The following GPR89B variants were observed in gnomAD, a reference collection of about 807,000 sequenced individuals.
GPR89B encodes the protein G protein-coupled receptor 89B.
GPR89B carries 25 observed loss-of-function variants against 52.4 expected under a neutral mutation model. The ratio of observed to expected loss-of-function variants is 0.48; its 90% CI spans 0.35 to 0.67. The LOEUF is 0.67. Ranked by LOEUF, GPR89B falls within the 30% of genes least tolerant of loss-of-function variation. The pLI, the probability that GPR89B is intolerant of heterozygous loss-of-function variation, is 0.01. For synonymous variants in GPR89B, 52 were observed against 151.2 expected (o/e 0.34, Z 4.81); for missense variants, 146 against 450.2 (o/e 0.32, Z 6.11).
intron 1 of GPR89B, among the ~76,000 whole-genome samples, chr1:147,934,314 C>G (rs1465792936): frequency 2.0e-5 from 3 of 152,276 alleles, no homozygotes; most frequent in Admixed American, 1.3e-4. Context: ...TAAGCTGGAA[C>G]TACAGGCATG....
intron 5 of GPR89B, among the ~76,000 whole-genome samples, chr1:147,951,880 T>A (rs1321009799): frequency 6.6e-6 from 1 of 151,762 alleles, no homozygotes; most frequent in African/African-American, 2.4e-5. Context: ...GCTACTTTGT[T>A]CTAAGGGAGA....
downstream of GPR89B, among the ~76,000 whole-genome samples, chr1:147,997,771 G>C (rs1659351054): frequency 1.3e-5 from 2 of 152,120 alleles, no homozygotes; most frequent in African/African-American, 2.4e-5. Flanking sequence ...TACTAGAAGA[G>C]ACCAACCCAT....
intron 2 of GPR89B, 60 bp downstream of exon 2, chr1:147,936,746 GTC>G (rs1654126526): frequency 7.1e-7 from 1 of 1,417,082 alleles, no homozygotes; most frequent in Middle Eastern, 1.8e-4. Flanking sequence ...CAAGAAAAAT[GTC>G]TCCATTAAAG....
intron 1 of GPR89B, among the ~76,000 whole-genome samples, chr1:147,933,129 C>T (rs1463957754): frequency 1.3e-5 from 2 of 151,280 alleles, no homozygotes; most frequent in African/African-American, 4.9e-5. Flanking sequence ...TTCCACCATC[C>T]TTCTCATCTT....
chr1:148,022,994 A>G, the GPR89B span, among the ~76,000 whole-genome samples: 2 of 151,948 alleles, frequency 1.3e-5, no homozygotes, highest in African/African-American at 4.9e-5. Flanking sequence ...TTTGTTGTGT[A>G]CCAAGGGTAC....
rs1486913394 is a variant in GPR89B at position 147,983,019 on chromosome 1, G to A, written c.910-3180G>A. 9.9e-3 allele frequency among the ~76,000 whole-genome samples: 1,511 copies of A among 152,096 alleles called. 23 individuals carry two copies. Among genetic ancestry groups the A allele is most frequent in the African/African-American group, 0.035 (1,443 of 41,458 alleles). On this transcript the variant is annotated intron_variant, in intron 10 of 13. Coordinates refer to ENST00000314163, the MANE Select transcript of GPR89B (RefSeq NM_016334.5). ...ACCGAACAGAGCCCTCAGAAATCACGCCGCATATCTACAACCGTCTGATCT... is the reference window on the plus strand; with the variant it reads ...ACCGAACAGAGCCCTCAGAAATCACACCGCATATCTACAACCGTCTGATCT...
At chr1:147,996,220 A>C (rs1659315273), downstream of GPR89B, among the ~76,000 whole-genome samples, 1 of 151,732 alleles carries the variant, frequency 6.6e-6, no homozygotes, top group South Asian at 2.1e-4. Flanking sequence ...GCATTATGCC[A>C]AATGCACAGA....
chr1:148,013,281 C>T, the GPR89B span, among the ~76,000 whole-genome samples: 386 of 152,180 alleles, frequency 2.5e-3, no homozygotes, highest in Middle Eastern at 0.031. Context: ...GATAGCACGG[C>T]GGAGATAGGG....
intron 10 of GPR89B, among the ~76,000 whole-genome samples, chr1:147,970,567 C>CTA (rs1222638596): frequency 1.3e-3 from 194 of 143,846 alleles, no homozygotes; most frequent in African/African-American, 4.5e-3. Flanking sequence ...CTCTCTCTCT[C>CTA]TCTATATATA....
chr1:147,932,219 A>G (rs1193903747), intron 1 of GPR89B, among the ~76,000 whole-genome samples: 1 of 152,044 alleles, frequency 6.6e-6, no homozygotes, highest in African/African-American at 2.4e-5. Flanking sequence ...CTCCACCGGT[A>G]AATATTTATA....
chr1:147,964,557 A>G (rs1319809335), intron 7 of GPR89B, among the ~76,000 whole-genome samples: 1 of 151,804 alleles, frequency 6.6e-6, no homozygotes, highest in Non-Finnish European at 1.5e-5. Flanking sequence ...TTTCATTCCT[A>G]TTCACGCTTC....
downstream of GPR89B, among the ~76,000 whole-genome samples, chr1:147,995,179 A>G (rs1659285137): frequency 6.6e-6 from 1 of 151,356 alleles, no homozygotes; most frequent in South Asian, 2.1e-4. Context: ...ATCTTAGTTA[A>G]CATGATCCTG....
At chr1:147,981,541 T>C (rs1459186477) in intron 10 of GPR89B, among the ~76,000 whole-genome samples, 6 of 150,128 alleles carry the variant, frequency 4.0e-5, no homozygotes, top group Non-Finnish European at 5.9e-5. Flanking sequence ...TAATATCTAT[T>C]TCATTTTATA....
At chr1:147,999,383 C>T in the GPR89B span, among the ~76,000 whole-genome samples, 33 of 149,556 alleles carry the variant, frequency 2.2e-4, no homozygotes, top group East Asian at 9.9e-4. Flanking sequence ...CCGAGGCGGG[C>T]GGATCACAAG....
chr1:147,989,392 G>A (rs1293712716), intron 12 of GPR89B, among the ~76,000 whole-genome samples: 1 of 150,958 alleles, frequency 6.6e-6, no homozygotes, highest in East Asian at 1.9e-4. Context: ...CCTATAAATG[G>A]CATTAAGTAA....
chr1:147,949,205 C>T (rs1553250325), intron 5 of GPR89B, among the ~76,000 whole-genome samples: 1 of 152,136 alleles, frequency 6.6e-6, no homozygotes, highest in Admixed American at 6.5e-5. Flanking sequence ...AATCCTTTCC[C>T]CGCCTTTCCC....
At chr1:147,988,940 T>G (rs1378380930) in intron 12 of GPR89B, among the ~76,000 whole-genome samples, 1 of 131,552 alleles carries the variant, frequency 7.6e-6, no homozygotes, top group Non-Finnish European at 1.6e-5. Context: ...TAAACAACAG[T>G]GTCAAGGATT....
intron 5 of GPR89B, among the ~76,000 whole-genome samples, chr1:147,944,932 C>T (rs1216175097): frequency 4.6e-5 from 7 of 152,026 alleles, no homozygotes; most frequent in Non-Finnish European, 1.0e-4. Flanking sequence ...ACCATCCTGC[C>T]GTACCTATTA....
At chr1:147,970,220 G>C (rs1320665545) in intron 10 of GPR89B, among the ~76,000 whole-genome samples, 1 of 151,944 alleles carries the variant, frequency 6.6e-6, no homozygotes, top group Admixed American at 6.6e-5. Context: ...TTGAGGCCGG[G>C]CATGGTGGCT....
Sources: gnomAD v4.1 joint callset for allele counts (sites outside exome capture counted in the v4.1 genomes callset) on GRCh38, gnomAD v4.1.1 for gene constraint, MANE v1.5 for transcripts, NCBI Gene and HGNC (gene_info 2026-07-23, HGNC 2026-07-21) for gene names.